Variants in CAMKK1 observed in about 807,000 individuals in gnomAD.
CAMKK1 encodes the protein calcium/calmodulin dependent protein kinase kinase 1.
In CAMKK1, 20 loss-of-function variants were observed where a neutral mutation model predicts 63.5. That is an observed-to-expected ratio of 0.32 (90% CI 0.22 to 0.46). CAMKK1 has a LOEUF of 0.46. Ranked by LOEUF, CAMKK1 falls within the 20% of genes least tolerant of loss-of-function variation. The pLI is 1.00. For synonymous variants in CAMKK1, 253 were observed against 269.0 expected (o/e 0.94, Z 0.58); for missense variants, 588 against 658.1 (o/e 0.89, Z 1.17).
intron 14 of CAMKK1, among the ~76,000 whole-genome samples, chr17:3,867,462 A>G (rs1434791666): frequency 1.3e-5 from 2 of 152,174 alleles, no homozygotes; most frequent in Admixed American, 1.3e-4. Context: ...GGGAGGTGAC[A>G]CACTCATGCC....
Position 3,876,365 on chromosome 17 carries a change from T to C in CAMKK1, c.854A>G (p.Asp285Gly). The change falls in exon 10 of 16, where the codon GAT becomes GGT. Residue 285 changes from aspartate (D) to glycine (G), a missense_variant. Transcript: ENST00000348335. ...DIKPSNLLLG[D>G]DGHVKIADFG... ...GTCGGCGATCTTCACGTGCCCATCA[T>C]CCCCCAGGAGCAGGTTGGATGGCTT... The C allele has an allele frequency of 6.2e-7, 1 of 1,614,032 alleles. No individual in the cohort carries two copies.
rs937865481 is a variant in CAMKK1 at position 3,861,340 on chromosome 17, A to C, written c.*871T>G. The stretch of plus-strand genomic sequence containing the variant: ...CCTGTCGCGTCCATGGCCCTCGGTC[A>C]AAGTCAGCCCTGGTGTCTTCTCCAG... On this transcript the variant is annotated 3_prime_UTR_variant, in exon 16 of 16. Coordinates refer to ENST00000348335, the MANE Select transcript of CAMKK1 (RefSeq NM_032294.3). 1 of 152,352 alleles carries C rather than the reference A, an allele frequency of 6.6e-6. No individual in the cohort carries two copies. Among genetic ancestry groups the C allele is most frequent in the African/African-American group, 2.4e-5 (1 of 41,468 alleles). The allele number at this position is 152,352 out of a possible 1,614,324, so 9.4% of individuals were successfully genotyped here. A position where few individuals can be genotyped will look rare whatever the true frequency, so the allele number is the denominator to read the frequency against.
chr17:3,878,499 T>C (rs8065798), intron 9 of CAMKK1, among the ~76,000 whole-genome samples: 84,680 of 152,090 alleles, frequency 0.56, 24,545 homozygotes, highest in East Asian at 0.77. Flanking sequence ...TGGTACAGGA[T>C]TGTGCCTGCC....
chr17:3,888,695 C>A (rs775578480), intron 1 of CAMKK1, among the ~76,000 whole-genome samples: 1 of 152,204 alleles, frequency 6.6e-6, no homozygotes, highest in Admixed American at 6.5e-5. Flanking sequence ...GGGCGGAAGG[C>A]GGCCGCGAGG....
rs1567630946 is a variant in CAMKK1, at chr17:3,882,311, A to C, written c.685+217T>G. The C allele has an allele frequency of 6.2e-7, 1 of 1,614,044 alleles. No individual in the cohort carries two copies. The highest frequency in any genetic ancestry group is 8.5e-7 in the Non-Finnish European group (1 of 1,179,998). On this transcript the variant is annotated intron_variant, in intron 7 of 15. Coordinates refer to ENST00000348335, the MANE Select transcript of CAMKK1 (RefSeq NM_032294.3). The surrounding 1 kb of genome is among the most constrained non-coding windows in gnomAD (Gnocchi z 4.3). Reference sequence around the variant, plus strand: ...TCTTGCTGCTCAGAGGGAAGCAGGGAGTGGGGCTTGGCGATATTTGTTGAA... The same window carrying C: ...TCTTGCTGCTCAGAGGGAAGCAGGGCGTGGGGCTTGGCGATATTTGTTGAA...
chr17:3,869,579 G>A lies in CAMKK1; in HGVS notation c.1249C>T (p.Leu417Phe). Residue 417 changes from leucine to phenylalanine, a missense_variant, in exon 14 of 16, where the codon CTT becomes TTT. Leu to Phe is a conservative substitution (Grantham distance 22). Coordinates refer to ENST00000348335, the MANE Select transcript of CAMKK1 (RefSeq NM_032294.3). Reference sequence around the variant, plus strand: ...CTGCAGTGCTCCTCCTCCGAAGGAAGGGGCTCCTCCCCGTTCTTGGTCACC... The same window carrying A: ...CTGCAGTGCTCCTCCTCCGAAGGAAAGGGCTCCTCCCCGTTCTTGGTCACC... ...PWVTKNGEEPLPSEEEHCSVV... is the reference protein window; with the variant it reads ...PWVTKNGEEPFPSEEEHCSVV... 6.2e-7 allele frequency: 1 copy of A among 1,614,216 alleles called. No homozygotes were observed. Among genetic ancestry groups the A allele is most frequent in the East Asian group, 2.2e-5 (1 of 44,876 alleles).
At chr17:3,870,094 T>G (rs1480821499) in intron 12 of CAMKK1, among the ~76,000 whole-genome samples, 1 of 152,144 alleles carries the variant, frequency 6.6e-6, no homozygotes, top group African/African-American at 2.4e-5. Context: ...CAGAGTTCCA[T>G]GGGTGCTGGA....
intron 10 of CAMKK1, among the ~76,000 whole-genome samples, chr17:3,875,291 G>A (rs192984302): frequency 2.6e-5 from 4 of 152,052 alleles, no homozygotes; most frequent in Admixed American, 2.6e-4. Flanking sequence ...CATCCCCAAC[G>A]TCTTTCTTTC....
intron 15 of CAMKK1, among the ~76,000 whole-genome samples, chr17:3,864,211 G>C (rs1487326889): frequency 6.6e-6 from 1 of 151,598 alleles, no homozygotes; most frequent in Non-Finnish European, 1.5e-5. Flanking sequence ...GCCTCCCAAA[G>C]TGCTGGGATT....
intron 11 of CAMKK1, 129 bp downstream of exon 11, chr17:3,873,280 C>T (rs779946735): frequency 2.1e-5 from 17 of 800,584 alleles, no homozygotes; most frequent in Non-Finnish European, 3.5e-5. Context: ...CCTCTTCTCT[C>T]TCAGCCTTCT....
In CAMKK1 at chr17:3,883,361, C is replaced by G; in HGVS notation, c.514+68G>C. ...ACCCCATTCCTAGCCAAAACTAGCT[C>G]AGGATCGAGGTCTCCTCCTCTGCCT... On this transcript the variant is annotated intron_variant, in intron 5 of 15. Transcript: ENST00000348335. This position sits in a 1 kb window ranked among gnomAD's most constrained non-coding sequence, Gnocchi z 4.7. 2 of 1,528,860 alleles carry G rather than the reference C, an allele frequency of 1.3e-6. No homozygotes were observed. Among genetic ancestry groups the G allele is most frequent in the Admixed American group, 1.7e-5 (1 of 59,810 alleles). 94.7% of individuals were successfully genotyped at this position (1,528,860 alleles called of 1,614,324 possible).
chr17:3,867,445 C>G (rs1272504853), intron 14 of CAMKK1, among the ~76,000 whole-genome samples: 1 of 152,188 alleles, frequency 6.6e-6, no homozygotes. Context: ...GAAGCAGGCT[C>G]TGAGCTGGGA....
At chr17:3,888,877 G>A (rs905501260) in intron 1 of CAMKK1, among the ~76,000 whole-genome samples, 8 of 152,196 alleles carry the variant, frequency 5.3e-5, no homozygotes, top group African/African-American at 1.2e-4. Context: ...CCACAGGAGG[G>A]AATATGTGTG....
chr17:3,876,412 C>T lies in CAMKK1; in HGVS notation c.807G>A (p.Gln269=), dbSNP rs1293146723. The T allele has an allele frequency of 6.2e-7, 1 of 1,613,986 alleles. No homozygotes were observed. The highest frequency in any genetic ancestry group is 8.5e-7 in the Non-Finnish European group (1 of 1,179,978). The stretch of plus-strand genomic sequence containing the variant: ...GCTTGATGTCCCTGTGGACGATCTT[C>T]TGGCAGTGCACTGCAGAGAAGGGGA... The part of the protein sequence containing the change: ...VILGLEYLHC[Q]KIVHRDIKPS... Residue 269 remains glutamine, a synonymous_variant, in exon 10 of 16, where the codon CAG becomes CAA. Coordinates refer to ENST00000348335, the MANE Select transcript of CAMKK1 (RefSeq NM_032294.3).
intron 1 of CAMKK1, among the ~76,000 whole-genome samples, chr17:3,888,503 C>A (rs897812520): frequency 6.6e-6 from 1 of 152,228 alleles, no homozygotes; most frequent in African/African-American, 2.4e-5. Flanking sequence ...GTTTTCCTCG[C>A]CCGCAAGATG....
intron 9 of CAMKK1, among the ~76,000 whole-genome samples, chr17:3,876,704 T>C (rs1306899831): frequency 6.7e-6 from 1 of 150,244 alleles, no homozygotes; most frequent in Non-Finnish European, 1.5e-5. Flanking sequence ...TGCTGCTGAG[T>C]GGGGAGGTCA....
intron 12 of CAMKK1, 80 bp downstream of exon 12, chr17:3,872,474 T>C (rs72825472): frequency 0.055 from 69,435 of 1,257,276 alleles, 2,185 homozygotes; most frequent in Non-Finnish European, 0.068. Flanking sequence ...GGTGGGGTCC[T>C]CAGAGGGCAA....
At position 3,881,626 on chromosome 17, in the gene CAMKK1, C is replaced by T. The variant is rs1449635799; in HGVS notation, c.707+1G>A. 6.4e-7 allele frequency: 1 copy of T among 1,570,324 alleles called. No individual in the cohort carries two copies. The highest frequency in any genetic ancestry group is 1.3e-5 in the African/African-American group (1 of 74,288). ...CTGCCTGATCAGGACGGGGAACTCA[C>T]CCCTTTCTCAGGAGGTCAAACACTG... On this transcript the variant is annotated splice_donor_variant, in intron 8 of 15. Coordinates refer to ENST00000348335, the MANE Select transcript of CAMKK1 (RefSeq NM_032294.3). LOFTEE classifies it high-confidence loss of function.
intron 1 of CAMKK1, among the ~76,000 whole-genome samples, chr17:3,886,730 G>A (rs2055669805): frequency 6.6e-6 from 1 of 152,126 alleles, no homozygotes; most frequent in Non-Finnish European, 1.5e-5. Context: ...TGTGGCGGCT[G>A]AAACATCAGG....
Sources: gnomAD v4.1 joint callset for allele counts (sites outside exome capture counted in the v4.1 genomes callset) on GRCh38, gnomAD v4.1.1 for gene constraint, Gnocchi (gnomAD v3.1) non-coding constraint, MANE v1.5 for transcripts, NCBI Gene and HGNC (gene_info 2026-07-23, HGNC 2026-07-21) for gene names.